Variants in CHMP4B observed in about 807,000 individuals in gnomAD.
The protein encoded by CHMP4B is SNF7 homolog associated with Alix 1.
In CHMP4B, 1 loss-of-function variant was observed where a neutral mutation model predicts 25.1. The observed-to-expected ratio is 0.04, with a 90% CI of 0.01 to 0.19. The LOEUF (loss-of-function observed/expected upper bound fraction) is 0.19. Ranked by LOEUF, CHMP4B falls within the 10% of genes least tolerant of loss-of-function variation. The pLI, the probability that CHMP4B is intolerant of heterozygous loss-of-function variation, is 1.00. For synonymous variants in CHMP4B, 101 were observed against 115.6 expected, an observed-to-expected ratio of 0.87 and a Z score of 0.81; for missense variants, 151 against 289.7, an observed-to-expected ratio of 0.52 and a Z score of 3.48.
chr20:33,813,529 G>T (rs2122778449), intron 1 of CHMP4B, among the ~76,000 whole-genome samples: 1 of 152,254 alleles, frequency 6.6e-6, no homozygotes. Flanking sequence ...TGTGGAGATG[G>T]GAACAGGGTT....
rs74592343 is a variant in CHMP4B, at chr20:33,828,760, CT to C, written c.190+17115del. On this transcript the variant is annotated intron_variant, in intron 1 of 4. Transcript: ENST00000217402. ...AATAGTAATTTTTGGTGCTTCTTGT[CT>C]TTTTTTTTTTTTCTTTTTCGTTGAG... 7.0e-3 allele frequency among the ~76,000 whole-genome samples: 994 copies of C among 142,864 alleles called. 11 individuals are homozygous for C. The highest frequency in any genetic ancestry group is 0.021 in the African/African-American group (817 of 39,162). 93.7% of individuals were successfully genotyped at this position (142,864 alleles called of 152,430 possible). A position where few individuals can be genotyped will look rare whatever the true frequency, so the allele number is the denominator to read the frequency against.
At chr20:33,848,739 T>G in intron 2 of CHMP4B, 95 bp downstream of exon 2, 1 of 1,306,884 alleles carries the variant, frequency 7.7e-7, no homozygotes, top group Non-Finnish European at 1.1e-6. Context: ...TCCCTTGACT[T>G]ACCTATTCGA....
At chr20:33,849,215 G>A (rs998802850) in intron 2 of CHMP4B, among the ~76,000 whole-genome samples, 1 of 152,110 alleles carries the variant, frequency 6.6e-6, no homozygotes, top group African/African-American at 2.4e-5. Flanking sequence ...TCATGGCAGT[G>A]GCCTAAGAAA....
chr20:33,830,957 T>G (rs912003116), intron 1 of CHMP4B, among the ~76,000 whole-genome samples: 9 of 150,436 alleles, frequency 6.0e-5, no homozygotes, highest in Non-Finnish European at 1.3e-4. Flanking sequence ...TTTAGTTTTT[T>G]TGAGACAGGG....
chr20:33,841,934 G>A (rs145109327), intron 1 of CHMP4B, among the ~76,000 whole-genome samples: 7 of 152,320 alleles, frequency 4.6e-5, no homozygotes, highest in African/African-American at 1.7e-4. Flanking sequence ...CAGACTTGAG[G>A]TGGTGGAAAG....
In CHMP4B at chr20:33,842,078, G is replaced by A. The variant is rs147581440; in HGVS notation, c.191-6389G>A. On this transcript the variant is annotated intron_variant, in intron 1 of 4. Coordinates refer to ENST00000217402, the MANE Select transcript of CHMP4B (RefSeq NM_176812.5). ...GTTATCTAATGAGGGGTTGGTCTTC[G>A]TTATCTCCAAGAGCTCCTCAAGCCC... Among the ~76,000 whole-genome samples, 597 of 152,182 alleles carry A rather than the reference G, an allele frequency of 3.9e-3. 4 individuals carry two copies. Among genetic ancestry groups the A allele is most frequent in the African/African-American group, 0.013 (536 of 41,490 alleles).
At chr20:33,843,086 G>A (rs764178224) in intron 1 of CHMP4B, among the ~76,000 whole-genome samples, 1 of 152,188 alleles carries the variant, frequency 6.6e-6, no homozygotes, top group Non-Finnish European at 1.5e-5. Flanking sequence ...TCACAGAAAG[G>A]GTTTCCATCC....
chr20:33,849,083 T>A (rs1047737306), intron 2 of CHMP4B, among the ~76,000 whole-genome samples: 11 of 152,178 alleles, frequency 7.2e-5, no homozygotes, highest in African/African-American at 2.4e-4. Flanking sequence ...GAGCTTTGGA[T>A]CTCTCTGTTC....
In CHMP4B at chr20:33,828,505, A is replaced by AGTG. The variant is rs1173205589; in HGVS notation, c.190+16851_190+16853dup. Among the ~76,000 whole-genome samples the AGTG allele has an allele frequency of 2.0e-5, 3 of 152,220 alleles. No homozygotes were observed. The East Asian group carries it at 5.8e-4, about 29-fold the overall frequency. On this transcript the variant is annotated intron_variant, in intron 1 of 4. Coordinates refer to ENST00000217402, the MANE Select transcript of CHMP4B (RefSeq NM_176812.5). ...TTCTTTTGAATTATAACTGGCAGTC[A>AGTG]GTGGTGAGGCGGGCGGGCACAGCCG... is the stretch of plus-strand genomic sequence containing the variant.
intron 1 of CHMP4B, among the ~76,000 whole-genome samples, chr20:33,840,133 C>T (rs1297167920): frequency 6.6e-6 from 1 of 152,100 alleles, no homozygotes; most frequent in Non-Finnish European, 1.5e-5. Flanking sequence ...GTAATCCCAG[C>T]TCCTTGGGAG....
chr20:33,839,634 C>T (rs1979480754), intron 1 of CHMP4B, among the ~76,000 whole-genome samples: 1 of 152,204 alleles, frequency 6.6e-6, no homozygotes, highest in East Asian at 1.9e-4. Flanking sequence ...GCTGAATGCC[C>T]TTGGTGCCAG....
intron 1 of CHMP4B, among the ~76,000 whole-genome samples, chr20:33,830,086 G>T (rs1979197896): frequency 6.6e-6 from 1 of 152,246 alleles, no homozygotes. Context: ...GGTCTCACGT[G>T]TGGTGGAGAA....
intron 1 of CHMP4B, among the ~76,000 whole-genome samples, chr20:33,826,745 C>G (rs1979105546): frequency 6.6e-6 from 1 of 152,188 alleles, no homozygotes; most frequent in East Asian, 1.9e-4. Flanking sequence ...AGAGGCAGAA[C>G]AGCAATTTTT....
In CHMP4B at chr20:33,838,927, C is replaced by T. The variant is rs181344316; in HGVS notation, c.191-9540C>T. Among the ~76,000 whole-genome samples, 9 of 152,250 alleles carry T rather than the reference C, an allele frequency of 5.9e-5. 1 individual carries two copies. In the East Asian group the frequency reaches 1.4e-3, roughly 23 times the overall value. On this transcript the variant is annotated intron_variant, in intron 1 of 4. Transcript: ENST00000217402. ...GGTTCCCTTTGGTGACCCTGACTCC[C>T]GTGGCCATTTCTCTCCTTCCTTATG...
intron 3 of CHMP4B, among the ~76,000 whole-genome samples, chr20:33,851,552 C>T (rs1400957942): frequency 4.6e-5 from 7 of 152,106 alleles, no homozygotes; most frequent in South Asian, 4.1e-4. Context: ...AAGTATGGTA[C>T]CAGCCCCTGT....
At chr20:33,817,149 C>T (rs975229136) in intron 1 of CHMP4B, among the ~76,000 whole-genome samples, 3 of 152,200 alleles carry the variant, frequency 2.0e-5, no homozygotes, top group African/African-American at 7.2e-5. Flanking sequence ...CCCAGAGGCC[C>T]AGGGATAGAA....
chr20:33,835,869 C>G (rs1324753479), intron 1 of CHMP4B, among the ~76,000 whole-genome samples: 1 of 152,074 alleles, frequency 6.6e-6, no homozygotes. Flanking sequence ...GGAGGAGGTG[C>G]CAGGCTCTTT....
chr20:33,845,014 C>T (rs1979648268), intron 1 of CHMP4B, among the ~76,000 whole-genome samples: 1 of 152,100 alleles, frequency 6.6e-6, no homozygotes. Context: ...CCGCCTTGGC[C>T]CCCCAAAGTG....
At chr20:33,813,143 T>TA (rs754102878) in intron 1 of CHMP4B, among the ~76,000 whole-genome samples, 2,416 of 111,920 alleles carry the variant, frequency 0.022, 31 homozygotes, top group African/African-American at 0.047. Context: ...ACCAGCTCTG[T>TA]AAAAAAAAAA....
Sources: allele counts gnomAD v4.1 joint callset (sites outside exome capture counted in the v4.1 genomes callset), GRCh38; gene constraint gnomAD v4.1.1; transcripts MANE v1.5; gene names NCBI Gene and HGNC (gene_info 2026-07-23, HGNC 2026-07-21).